The following ZNF609 variants were observed in gnomAD, a reference collection of about 807,000 sequenced individuals.
The protein encoded by ZNF609 is zinc finger protein 609.
In ZNF609, 11 loss-of-function variants were observed where a neutral mutation model predicts 109.5. That is an observed-to-expected ratio of 0.10 (90% CI 0.06 to 0.17). The LOEUF is 0.17. Among genes scored for constraint, ZNF609 ranks in the 10% least tolerant of loss-of-function variants. The pLI, the probability that ZNF609 is intolerant of heterozygous loss-of-function variation, is 1.00. For missense variants in ZNF609, 1,559 were observed against 1,772.4 expected (o/e 0.88, Z 2.16); for synonymous variants, 646 against 662.0 (o/e 0.98, Z 0.37).
rs918744267 is a variant in ZNF609 at position 64,646,343 on chromosome 15, A to C, written c.973+23291A>C. Among the ~76,000 whole-genome samples, 9 of 151,962 alleles carry C rather than the reference A, an allele frequency of 5.9e-5. 1 individual carries two copies. Among genetic ancestry groups the C allele is most frequent in the African/African-American group, 2.2e-4 (9 of 41,372 alleles). On this transcript the variant is annotated intron_variant, in intron 3 of 9. Transcript: ENST00000326648. ...ACTGCATCTCTAGAAAAAAATACAA[A>C]ATGGCGGCCAGGCATGGTGGCTTAT...
intron 3 of ZNF609, among the ~76,000 whole-genome samples, chr15:64,669,052 A>G (rs151260763): frequency 6.6e-6 from 1 of 152,024 alleles, no homozygotes; most frequent in Non-Finnish European, 1.5e-5. Flanking sequence ...GAACAAAATG[A>G]GAACATCATG....
intron 2 of ZNF609, among the ~76,000 whole-genome samples, chr15:64,533,167 C>T (rs1161568731): frequency 6.6e-6 from 1 of 152,044 alleles, no homozygotes; most frequent in African/African-American, 2.4e-5. Context: ...CTTCCTGCCT[C>T]AGCCTCCTGA....
At chr15:64,488,599 T>G (rs573212748) in intron 1 of ZNF609, among the ~76,000 whole-genome samples, 5 of 152,202 alleles carry the variant, frequency 3.3e-5, no homozygotes, top group Non-Finnish European at 5.9e-5. Context: ...GTGGCTAGTC[T>G]AACATTATTT....
At chr15:64,661,500 G>T (rs1896576002) in intron 3 of ZNF609, among the ~76,000 whole-genome samples, 1 of 152,156 alleles carries the variant, frequency 6.6e-6, no homozygotes, top group African/African-American at 2.4e-5. Context: ...TCCAGTTAGG[G>T]TATAGTTGTC....
rs368445714 is a variant in ZNF609 at position 64,681,347 on chromosome 15, T to C, written c.4201T>C (p.Ser1401Pro). 6 of 1,613,988 alleles carry C rather than the reference T, an allele frequency of 3.7e-6. No individual in the cohort carries two copies. The highest frequency in any genetic ancestry group is 5.1e-6 in the Non-Finnish European group (6 of 1,180,006). Reference protein sequence around the residue: ...STAIVASQQGSTPSLYPPPRR With the variant: ...STAIVASQQGPTPSLYPPPRR ...AGCCATTGTTGCCAGCCAACAAGGC[T>C]CAACTCCCTCACTCTACCCACCCCC... is the stretch of plus-strand genomic sequence containing the variant. The change falls in exon 9 of 10, where the codon TCA (serine) becomes CCA (proline). Residue 1401 changes from serine to proline, a missense_variant. Ser to Pro is a moderately conservative substitution (Grantham distance 74). Transcript: ENST00000326648.
chr15:64,467,612 C>G (rs561216460), intron 1 of ZNF609, among the ~76,000 whole-genome samples: 1 of 152,140 alleles, frequency 6.6e-6, no homozygotes, highest in Non-Finnish European at 1.5e-5. Flanking sequence ...TTTGGGAGGC[C>G]GAGACGGGCG....
chr15:64,604,548 T>C (rs1042566650), intron 2 of ZNF609, among the ~76,000 whole-genome samples: 12 of 152,214 alleles, frequency 7.9e-5, no homozygotes, highest in Admixed American at 7.9e-4. Context: ...TTGCCTTTGG[T>C]CCATTCTTGT....
intron 3 of ZNF609, among the ~76,000 whole-genome samples, chr15:64,656,331 G>A (rs1371590219): frequency 6.6e-6 from 1 of 152,078 alleles, no homozygotes; most frequent in East Asian, 1.9e-4. Flanking sequence ...TCCAATGTGC[G>A]GGATTACAGG....
intron 3 of ZNF609, among the ~76,000 whole-genome samples, chr15:64,665,779 G>A (rs567732159): frequency 1.3e-5 from 2 of 152,066 alleles, no homozygotes; most frequent in East Asian, 1.9e-4. Context: ...GGTGGTACAT[G>A]CCTGTAATCC....
chr15:64,576,985 T>TATATACACATA (rs1491161819), intron 2 of ZNF609, among the ~76,000 whole-genome samples: 1 of 135,446 alleles, frequency 7.4e-6, no homozygotes, highest in Non-Finnish European at 1.6e-5. Flanking sequence ...TATATATGTA[T>TATATACACATA]GTATACACAT....
At chr15:64,602,716 C>CTTTTTTTTTTT (rs10600561) in intron 2 of ZNF609, among the ~76,000 whole-genome samples, 50 of 55,600 alleles carry the variant, frequency 9.0e-4, no homozygotes, top group Middle Eastern at 0.019. Context: ...TTTTTTCTTT[C>CTTTTTTTTTTT]TTTTTTTTTT....
At chr15:64,564,424 G>A (rs1894741555) in intron 2 of ZNF609, among the ~76,000 whole-genome samples, 1 of 152,064 alleles carries the variant, frequency 6.6e-6, no homozygotes, top group African/African-American at 2.4e-5. Flanking sequence ...AAGTATAGTG[G>A]GTGTTAGATC....
chr15:64,669,175 C>A (rs1003517178), intron 3 of ZNF609, among the ~76,000 whole-genome samples: 1 of 151,926 alleles, frequency 6.6e-6, no homozygotes, highest in African/African-American at 2.4e-5. Flanking sequence ...TGTGAGAACT[C>A]CAAATACAAG....
chr15:64,465,560 T>C (rs1893003104), intron 1 of ZNF609, among the ~76,000 whole-genome samples: 1 of 151,942 alleles, frequency 6.6e-6, no homozygotes, highest in Admixed American at 6.6e-5. Flanking sequence ...TTAGTATTTT[T>C]AGTAGAGATG....
At position 64,489,900 on chromosome 15, in the gene ZNF609, A is replaced by G. The variant is rs558889816; in HGVS notation, c.-127-9393A>G. ...TTTATCTCTGGGGATAAGAACTTCT[A>G]AAGAGCTACATAGCCATCCAATTAT... On this transcript the variant is annotated intron_variant, in intron 1 of 9. Coordinates refer to ENST00000326648, the MANE Select transcript of ZNF609 (RefSeq NM_015042.2). Among the ~76,000 whole-genome samples the G allele has an allele frequency of 2.0e-5, 3 of 152,246 alleles. No individual in the cohort carries two copies. The East Asian group carries it at 5.8e-4, about 29-fold the overall frequency.
chr15:64,578,041 G>T (rs1595725710), intron 2 of ZNF609, among the ~76,000 whole-genome samples: 3 of 146,586 alleles, frequency 2.0e-5, no homozygotes, highest in Non-Finnish European at 4.5e-5. Context: ...TTTTTTATCT[G>T]CTTGTTAGGA....
At chr15:64,575,645 A>G (rs1655068255) in intron 2 of ZNF609, among the ~76,000 whole-genome samples, 1 of 152,174 alleles carries the variant, frequency 6.6e-6, no homozygotes, top group South Asian at 2.1e-4. Flanking sequence ...TATTAATTAT[A>G]TAAATTAATG....
At chr15:64,495,715 A>G (rs762493039) in intron 1 of ZNF609, among the ~76,000 whole-genome samples, 12 of 150,672 alleles carry the variant, frequency 8.0e-5, no homozygotes, top group South Asian at 2.1e-4. Context: ...TTCTTTATGA[A>G]TTTTAATTGA....
chr15:64,621,379 T>A (rs1463338640), intron 2 of ZNF609, among the ~76,000 whole-genome samples: 1 of 152,020 alleles, frequency 6.6e-6, no homozygotes, highest in Non-Finnish European at 1.5e-5. Flanking sequence ...AGATAGGATT[T>A]CACTCTGTCA....
Sources: allele counts gnomAD v4.1 joint callset (sites outside exome capture counted in the v4.1 genomes callset), GRCh38; gene constraint gnomAD v4.1.1; transcripts MANE v1.5; gene names NCBI Gene and HGNC (gene_info 2026-07-23, HGNC 2026-07-21).